The following ADARB2 variants were observed in gnomAD, a reference collection of about 807,000 sequenced individuals.
The protein encoded by ADARB2 is adenosine deaminase RNA specific B2 (inactive), also known as inactive double-stranded RNA-specific editase B2.
A neutral mutation model predicts 62.2 loss-of-function variants in ADARB2; 25 were observed. The observed-to-expected ratio is 0.40, with a 90% CI of 0.29 to 0.56. ADARB2 has a LOEUF of 0.56. Among genes scored for constraint, ADARB2 ranks in the 20% least tolerant of loss-of-function variants. The pLI, the probability that ADARB2 is intolerant of heterozygous loss-of-function variation, is 0.43. For synonymous variants in ADARB2, 572 were observed against 500.8 expected, an observed-to-expected ratio of 1.14 and a Z score of -1.90; for missense variants, 1,071 against 1,077.4, an observed-to-expected ratio of 0.99 and a Z score of 0.08.
intron 3 of ADARB2, among the ~76,000 whole-genome samples, chr10:1,329,304 AT>A (rs1299548614): frequency 6.6e-6 from 1 of 152,264 alleles, no homozygotes; most frequent in East Asian, 1.9e-4. Context: ...GAATAAAAAA[AT>A]AAAAACCTCT....
chr10:1,370,464 G>A (rs1173102384), intron 2 of ADARB2, among the ~76,000 whole-genome samples: 2 of 152,168 alleles, frequency 1.3e-5, no homozygotes, highest in East Asian at 3.8e-4. Context: ...TCAGGCAAGA[G>A]AAAGAAATAA....
At chr10:1,441,268 C>G (rs1297360557) in intron 1 of ADARB2, among the ~76,000 whole-genome samples, 2 of 152,146 alleles carry the variant, frequency 1.3e-5, no homozygotes, top group Non-Finnish European at 1.5e-5. Context: ...TGCAACTTAT[C>G]TAAAAAAAAT....
At chr10:1,267,277 G>A (rs187598598) in intron 4 of ADARB2, among the ~76,000 whole-genome samples, 113 of 152,266 alleles carry the variant, frequency 7.4e-4, no homozygotes, top group Non-Finnish European at 1.5e-3. Context: ...ATAATTGAAA[G>A]CTTAGAATTC....
At chr10:1,533,447 C>A (rs2138691) in intron 1 of ADARB2, among the ~76,000 whole-genome samples, 52,790 of 118,930 alleles carry the variant, frequency 0.44, 9,915 homozygotes, top group East Asian at 0.74. Flanking sequence ...CAAACATCAC[C>A]TTTTAATCAC....
intron 1 of ADARB2, among the ~76,000 whole-genome samples, chr10:1,561,765 C>A (rs1481538464): frequency 1.3e-5 from 2 of 152,144 alleles, no homozygotes; most frequent in East Asian, 3.9e-4. Context: ...GCCCGAAGAC[C>A]TTCAGGGGCT....
chr10:1,213,332 G>C (rs947569511), intron 7 of ADARB2, among the ~76,000 whole-genome samples: 1 of 151,602 alleles, frequency 6.6e-6, no homozygotes, highest in Non-Finnish European at 1.5e-5. Flanking sequence ...CAGAGACAGA[G>C]AGAGGCCGAG....
At chr10:1,579,228 A>C (rs1240612556) in intron 1 of ADARB2, among the ~76,000 whole-genome samples, 1 of 152,184 alleles carries the variant, frequency 6.6e-6, no homozygotes. Flanking sequence ...GAGGGCAAAT[A>C]CACTGTTTCC....
chr10:1,634,221 A>G (rs1833887102), intron 1 of ADARB2, among the ~76,000 whole-genome samples: 1 of 152,188 alleles, frequency 6.6e-6, no homozygotes, highest in Non-Finnish European at 1.5e-5. Flanking sequence ...AAGTGGACTC[A>G]ATGGCCCAAG....
chr10:1,297,220 G>T (rs1040040357), intron 3 of ADARB2, among the ~76,000 whole-genome samples: 2 of 152,166 alleles, frequency 1.3e-5, no homozygotes, highest in African/African-American at 4.8e-5. Context: ...TGTCTTTATC[G>T]CAGGGAGGAA....
intron 4 of ADARB2, among the ~76,000 whole-genome samples, chr10:1,250,387 C>T (rs183344006): frequency 4.9e-4 from 74 of 152,060 alleles, no homozygotes; most frequent in African/African-American, 1.5e-3. Context: ...GTCCTCAAGG[C>T]GGTGAGTTCT....
chr10:1,346,308 A>C (rs529736180), intron 3 of ADARB2, among the ~76,000 whole-genome samples: 1 of 152,266 alleles, frequency 6.6e-6, no homozygotes, highest in South Asian at 2.1e-4. Flanking sequence ...ATGGGGCTTG[A>C]GATTGGGAAT....
At chr10:1,644,085 G>A (rs778004654) in intron 1 of ADARB2, among the ~76,000 whole-genome samples, 7 of 152,224 alleles carry the variant, frequency 4.6e-5, no homozygotes, top group Non-Finnish European at 1.0e-4. Context: ...GCTAATGCGG[G>A]GAGATGGGGC....
At chr10:1,521,255 C>G (rs1420913514) in intron 1 of ADARB2, among the ~76,000 whole-genome samples, 4 of 152,180 alleles carry the variant, frequency 2.6e-5, no homozygotes, top group African/African-American at 7.2e-5. Context: ...TCCCAGGCAT[C>G]TCGGGTGACA....
At chr10:1,517,256 A>G (rs1832018842) in intron 1 of ADARB2, among the ~76,000 whole-genome samples, 1 of 152,190 alleles carries the variant, frequency 6.6e-6, no homozygotes, top group African/African-American at 2.4e-5. Context: ...AGTGATTCAA[A>G]TTCATTTTTT....
Position 1,393,378 on chromosome 10 carries a change from TCA to T in ADARB2, c.101-14220_101-14219del, listed in dbSNP as rs1392356541. ...TGTGTTACAAATAATCCGATTATAC[TCA>T]GTTATTTTAAAATGCACAATTACAT... On this transcript the variant is annotated intron_variant, in intron 1 of 9. Coordinates refer to ENST00000381312, the MANE Select transcript of ADARB2 (RefSeq NM_018702.4). 5.9e-5 allele frequency among the ~76,000 whole-genome samples: 9 copies of T among 152,348 alleles called. No individual in the cohort carries two copies. In the East Asian group the frequency reaches 1.3e-3, roughly 23 times the overall value.
At chr10:1,501,222 A>G (rs1831764796) in intron 1 of ADARB2, among the ~76,000 whole-genome samples, 1 of 152,226 alleles carries the variant, frequency 6.6e-6, no homozygotes, top group Non-Finnish European at 1.5e-5. Context: ...TGGGCAGCTT[A>G]AACATTCCTG....
intron 1 of ADARB2, among the ~76,000 whole-genome samples, chr10:1,480,653 G>A (rs1187268625): frequency 7.2e-6 from 1 of 139,388 alleles, no homozygotes; most frequent in Non-Finnish European, 1.6e-5. Flanking sequence ...AGCTGAGATT[G>A]TGCCCCTGCA....
chr10:1,505,265 G>A (rs1303922936), intron 1 of ADARB2, among the ~76,000 whole-genome samples: 3 of 152,100 alleles, frequency 2.0e-5, no homozygotes, highest in African/African-American at 4.8e-5. Context: ...TGTGTGCCTC[G>A]CATTGCCCCA....
At chr10:1,617,127 C>T (rs969849565) in intron 1 of ADARB2, among the ~76,000 whole-genome samples, 1 of 147,304 alleles carries the variant, frequency 6.8e-6, no homozygotes, top group Non-Finnish European at 1.5e-5. Flanking sequence ...CAGACACACT[C>T]TGCACTGCCC....
Sources: gnomAD v4.1 joint callset for allele counts (sites outside exome capture counted in the v4.1 genomes callset) on GRCh38, gnomAD v4.1.1 for gene constraint, MANE v1.5 for transcripts, NCBI Gene and HGNC (gene_info 2026-07-23, HGNC 2026-07-21) for gene names.